Variants in RBMS3 observed in about 807,000 individuals in gnomAD.
RBMS3 encodes the protein RNA binding motif single stranded interacting protein 3.
A neutral mutation model predicts 66.8 loss-of-function variants in RBMS3; 27 were observed. That is an observed-to-expected ratio of 0.40 (90% CI 0.30 to 0.56). RBMS3 has a LOEUF of 0.56. RBMS3 is among the 20% of genes least tolerant of loss of function. The pLI is 0.40. For missense variants in RBMS3, 513 were observed against 549.5 expected, an observed-to-expected ratio of 0.93 and a Z score of 0.66; for synonymous variants, 188 against 183.0, an observed-to-expected ratio of 1.03 and a Z score of -0.22.
At chr3:29,327,869 T>C (rs78172579) in intron 1 of RBMS3, among the ~76,000 whole-genome samples, 6,115 of 152,300 alleles carry the variant, frequency 0.04, 156 homozygotes, top group South Asian at 0.07. Context: ...AAGGAGCTAT[T>C]ATCGATCACG....
At chr3:29,622,513 T>C (rs994552028) in intron 4 of RBMS3, among the ~76,000 whole-genome samples, 1 of 152,236 alleles carries the variant, frequency 6.6e-6, no homozygotes, top group Non-Finnish European at 1.5e-5. Flanking sequence ...AATATACTCA[T>C]GAGAATTATT....
chr3:29,639,349 A>G (rs987574785), intron 4 of RBMS3, among the ~76,000 whole-genome samples: 1 of 151,884 alleles, frequency 6.6e-6, no homozygotes, highest in Admixed American at 6.6e-5. Flanking sequence ...TCCCAGACCT[A>G]CCAAATCAAA....
At chr3:29,437,988 G>A (rs1009514770) in intron 2 of RBMS3, among the ~76,000 whole-genome samples, 64 of 150,938 alleles carry the variant, frequency 4.2e-4, no homozygotes, top group African/African-American at 1.6e-3. Context: ...AAAACCTTTG[G>A]TAAGAGACCA....
intron 6 of RBMS3, among the ~76,000 whole-genome samples, chr3:29,773,454 A>G (rs1053403454): frequency 6.6e-6 from 1 of 152,124 alleles, no homozygotes; most frequent in Admixed American, 6.6e-5. Flanking sequence ...GAGGCTGTAC[A>G]TATGAAAACA....
chr3:30,001,313 T>C (rs1366398405), intron 14 of RBMS3, among the ~76,000 whole-genome samples: 1 of 152,062 alleles, frequency 6.6e-6, no homozygotes, highest in East Asian at 1.9e-4. Flanking sequence ...TGGAAAATAT[T>C]GCTTCATTTG....
intron 4 of RBMS3, among the ~76,000 whole-genome samples, chr3:29,592,924 C>A (rs551292773): frequency 6.7e-6 from 1 of 148,896 alleles, no homozygotes; most frequent in South Asian, 2.1e-4. Flanking sequence ...AACCAAACAC[C>A]GCATGTTCTC....
intron 2 of RBMS3, among the ~76,000 whole-genome samples, chr3:29,468,862 A>C (rs989363953): frequency 6.6e-6 from 1 of 152,134 alleles, no homozygotes; most frequent in Non-Finnish European, 1.5e-5. Context: ...CTAAAGAAAA[A>C]GTGTTTGAAA....
intron 1 of RBMS3, among the ~76,000 whole-genome samples, chr3:29,378,254 C>G (rs2038578986): frequency 6.6e-6 from 1 of 152,002 alleles, no homozygotes; most frequent in Non-Finnish European, 1.5e-5. Context: ...GGGTGGATCA[C>G]GAGGTCAGGA....
At chr3:29,636,672 T>G (rs1215324256) in intron 4 of RBMS3, among the ~76,000 whole-genome samples, 4 of 151,932 alleles carry the variant, frequency 2.6e-5, no homozygotes, top group Non-Finnish European at 5.9e-5. Flanking sequence ...AGCATTTGTG[T>G]TGGAAATACT....
At chr3:29,636,074 T>C (rs2049463053) in intron 4 of RBMS3, among the ~76,000 whole-genome samples, 1 of 148,552 alleles carries the variant, frequency 6.7e-6, no homozygotes, top group Admixed American at 6.7e-5. Flanking sequence ...GTGTGTGTGT[T>C]TTCAGTTAGG....
At chr3:29,715,502 A>G (rs2053354476) in intron 4 of RBMS3, among the ~76,000 whole-genome samples, 1 of 152,142 alleles carries the variant, frequency 6.6e-6, no homozygotes, top group South Asian at 2.1e-4. Flanking sequence ...CAGATTAAAT[A>G]TATCTACTGT....
At chr3:29,317,790 T>G (rs2034773245) in intron 1 of RBMS3, among the ~76,000 whole-genome samples, 1 of 151,750 alleles carries the variant, frequency 6.6e-6, no homozygotes, top group South Asian at 2.1e-4. Flanking sequence ...GGAGTTTGTT[T>G]TACTCATCTT....
intron 4 of RBMS3, among the ~76,000 whole-genome samples, chr3:29,670,279 G>A (rs1380826363): frequency 3.3e-5 from 5 of 152,104 alleles, no homozygotes; most frequent in Non-Finnish European, 5.9e-5. Context: ...AAACTAGTAG[G>A]CTTCCAGTTC....
intron 14 of RBMS3, among the ~76,000 whole-genome samples, chr3:30,002,423 C>T (rs546462053): frequency 1.3e-5 from 2 of 151,516 alleles, no homozygotes; most frequent in Non-Finnish European, 3.0e-5. Context: ...AACTATATAA[C>T]CAAGAAAAAA....
At chr3:29,639,328 T>G (rs186314423) in intron 4 of RBMS3, among the ~76,000 whole-genome samples, 163 of 151,978 alleles carry the variant, frequency 1.1e-3, no homozygotes, top group Admixed American at 2.7e-3. Flanking sequence ...ACTATGGATT[T>G]TTAGGTCCTA....
intron 3 of RBMS3, among the ~76,000 whole-genome samples, chr3:29,513,529 C>A (rs1046862851): frequency 6.6e-6 from 1 of 152,102 alleles, no homozygotes; most frequent in African/African-American, 2.4e-5. Flanking sequence ...AGTTTAAAAA[C>A]CTCAAAGTTC....
At chr3:29,408,466 G>T (rs913118301) in intron 1 of RBMS3, among the ~76,000 whole-genome samples, 2 of 151,976 alleles carry the variant, frequency 1.3e-5, no homozygotes, top group African/African-American at 4.8e-5. Context: ...AAAAGTGATG[G>T]TTTAGGAAAA....
intron 1 of RBMS3, among the ~76,000 whole-genome samples, chr3:29,424,486 GAAGT>G (rs1046428627): frequency 6.6e-6 from 1 of 152,220 alleles, no homozygotes; most frequent in African/African-American, 2.4e-5. Context: ...TGAGTACTGG[GAAGT>G]AGAAGGAAAC....
intron 1 of RBMS3, among the ~76,000 whole-genome samples, chr3:29,370,919 A>G (rs1177294195): frequency 1.3e-5 from 2 of 152,220 alleles, no homozygotes; most frequent in African/African-American, 4.8e-5. Flanking sequence ...CACAAATAGT[A>G]ACATTTCTTA....
Sources: gnomAD v4.1 joint callset for allele counts (sites outside exome capture counted in the v4.1 genomes callset) on GRCh38, gnomAD v4.1.1 for gene constraint, MANE v1.5 for transcripts, NCBI Gene and HGNC (gene_info 2026-07-23, HGNC 2026-07-21) for gene names.